Variants in TARS2 observed in about 807,000 individuals in gnomAD.
The protein encoded by TARS2 is threonyl-tRNA synthetase 2, mitochondrial.
A neutral mutation model predicts 94.4 loss-of-function variants in TARS2; 61 were observed. The ratio of observed to expected loss-of-function variants is 0.65; its 90% CI spans 0.53 to 0.80. TARS2 has a LOEUF of 0.80. Ranked by LOEUF, TARS2 falls within the 30% of genes least tolerant of loss-of-function variation. TARS2 has a pLI of 0.00. For missense variants in TARS2, 704 were observed against 902.5 expected, an observed-to-expected ratio of 0.78 and a Z score of 2.82; for synonymous variants, 359 against 353.4, an observed-to-expected ratio of 1.02 and a Z score of -0.18.
At chr1:150,491,838 A>G in intron 6 of TARS2, 176 bp downstream of exon 6, 1 of 641,236 alleles carries the variant, frequency 1.6e-6, no homozygotes. Flanking sequence ...TCTGTCTCCC[A>G]GGCTGGAGTG....
rs145039072 is a variant in TARS2, at chr1:150,492,488, C to T, written c.773C>T (p.Ser258Leu). 5.6e-4 allele frequency: 910 copies of T among 1,613,376 alleles called. No individual in the cohort carries two copies. The highest frequency in any genetic ancestry group is 6.8e-4 in the Non-Finnish European group (798 of 1,179,762). Residue 258 changes from serine to leucine, a missense_variant and splice_region_variant, in exon 7 of 18, where the codon TCG becomes TTG. Ser to Leu is a moderately radical substitution (Grantham distance 145). Coordinates refer to ENST00000369064, the MANE Select transcript of TARS2 (RefSeq NM_025150.5). ...TGQIGGLKLLSNSSSLWRSSG... is the reference protein window; with the variant it reads ...TGQIGGLKLLLNSSSLWRSSG... ...CAGATTGGAGGACTGAAGCTGCTAT[C>T]GGTCAGTTGTGGGACAGAGTTAGGT...
At position 150,497,556 on chromosome 1, in the gene TARS2, C is replaced by A. The variant is rs745997536; in HGVS notation, c.1047C>A (p.Ser349=). ...CTGAGTATGCCCATCGTGGTTTCTC[C>A]GAGGTGAAAACTCCCACACTGTTTT... ...IRAEYAHRGF[S]EVKTPTLFST... The change falls in exon 10 of 18, where the codon TCC becomes TCA. Residue 349 remains serine, a synonymous_variant. Transcript: ENST00000369064. 2 of 1,614,062 alleles carry A rather than the reference C, an allele frequency of 1.2e-6. No homozygotes were observed. The highest frequency in any genetic ancestry group is 3.3e-5 in the Admixed American group (2 of 60,006).
intron 13 of TARS2, among the ~76,000 whole-genome samples, chr1:150,500,755 C>T (rs1669877309): frequency 6.6e-6 from 1 of 151,288 alleles, no homozygotes; most frequent in East Asian, 1.9e-4. Flanking sequence ...ACCCAGGAGG[C>T]GGAGGTTGCA....
intron 13 of TARS2, among the ~76,000 whole-genome samples, chr1:150,503,617 ATGTG>A (rs1553905465): frequency 8.1e-6 from 1 of 123,886 alleles, no homozygotes; most frequent in Admixed American, 7.9e-5. Context: ...GTGTATATAT[ATGTG>A]TGTGTATATA....
At chr1:150,494,391 A>T (rs1669550997) in intron 7 of TARS2, among the ~76,000 whole-genome samples, 1 of 145,586 alleles carries the variant, frequency 6.9e-6, no homozygotes. Flanking sequence ...AAAAAAAAAA[A>T]GATAATGAAA....
In TARS2 at chr1:150,507,501, A is replaced by G. The variant is rs1815545; in HGVS notation, c.*437A>G. 91,068 of 157,626 alleles carry G rather than the reference A, an allele frequency of 0.58. 26,850 individuals are homozygous for G. The highest frequency in any genetic ancestry group is 0.62 in the Non-Finnish European group (44,009 of 71,414). The allele number at this position is 157,626 out of a possible 1,614,324, so 9.8% of individuals were successfully genotyped here. A position where few individuals can be genotyped will look rare whatever the true frequency, so the allele number is the denominator to read the frequency against. ...GGAGAATCGCTTGAACCCGGGAGGT[A>G]GAGGTTGCAGTGAGCTGAGATTGCG... On this transcript the variant is annotated 3_prime_UTR_variant, in exon 18 of 18. Transcript: ENST00000369064.
In TARS2 at chr1:150,490,704, A is replaced by AT; in HGVS notation, c.494dup (p.Phe166LeufsTer47). The stretch of plus-strand genomic sequence containing the variant: ...AGTACAGAATATGGCTTTTACCATG[A>AT]TTTCTTCCTGGGAAAGGAGAGGTGA... On this transcript the variant is annotated frameshift_variant, in exon 4 of 18. Coordinates refer to ENST00000369064, the MANE Select transcript of TARS2 (RefSeq NM_025150.5). LOFTEE classifies it high-confidence loss of function. The AT allele has an allele frequency of 6.2e-7, 1 of 1,613,786 alleles. No individual in the cohort carries two copies. The highest frequency in any genetic ancestry group is 8.5e-7 in the Non-Finnish European group (1 of 1,179,958).
intron 8 of TARS2, 39 bp from the exon 9 acceptor site, chr1:150,496,770 TG>T: frequency 6.2e-7 from 1 of 1,609,538 alleles, no homozygotes; most frequent in Non-Finnish European, 8.5e-7. Flanking sequence ...GCCACCTCCT[TG>T]CCCTTGAGGT....
intron 13 of TARS2, among the ~76,000 whole-genome samples, chr1:150,503,473 A>C (rs1670011686): frequency 6.6e-6 from 1 of 151,580 alleles, no homozygotes; most frequent in Admixed American, 6.6e-5. Context: ...AGATCACTTG[A>C]GATCAGGAGT....
chr1:150,494,752 T>C (rs587669702), intron 7 of TARS2, among the ~76,000 whole-genome samples: 49 of 150,504 alleles, frequency 3.3e-4, no homozygotes, highest in African/African-American at 1.1e-3. Context: ...AATATACATA[T>C]AGGGGCTGGG....
chr1:150,501,374 G>A (rs143689972), intron 13 of TARS2, among the ~76,000 whole-genome samples: 2,715 of 136,670 alleles, frequency 0.02, 116 homozygotes, highest in African/African-American at 0.072. Flanking sequence ...CTGGAGTGCA[G>A]TGGCTCGATC....
At chr1:150,487,835 T>C (rs1482403830) in intron 1 of TARS2, 23 bp from the exon 2 acceptor site, 77 of 1,605,698 alleles carry the variant, frequency 4.8e-5, no homozygotes, top group Non-Finnish European at 6.1e-5. Context: ...GTGTGTTACC[T>C]GCTAATATAT....
intron 8 of TARS2, 78 bp from the exon 9 acceptor site, chr1:150,496,732 A>G: frequency 2.5e-6 from 4 of 1,602,364 alleles, no homozygotes; most frequent in Non-Finnish European, 2.6e-6. Flanking sequence ...CAGACTGAGC[A>G]GCTCCGTCAG....
Position 150,490,661 on chromosome 1 carries a change from G to C in TARS2, c.448G>C (p.Val150Leu). 6.2e-7 allele frequency: 1 copy of C among 1,613,992 alleles called. No individual in the cohort carries two copies. The highest frequency in any genetic ancestry group is 8.5e-7 in the Non-Finnish European group (1 of 1,180,014). ...AGCAGCTGAACAATTCCTAGGTGCT[G>C]TTCTCTGCAGAGGTCCAAGTACAGA... is the stretch of plus-strand genomic sequence containing the variant. ...GAAAEQFLGA[V>L]LCRGPSTEYG... The change falls in exon 4 of 18, where the codon GTT becomes CTT. Residue 150 changes from valine (V) to leucine (L), a missense_variant. Physicochemically the swap from Val to Leu is conservative, Grantham distance 32. Around this residue, in one of 3 missense-constraint regions of TARS2, gnomAD observed 208 missense variants for 228.5 expected, o/e 0.91. Transcript: ENST00000369064.
chr1:150,498,681 T>A lies in TARS2; in HGVS notation c.1401+17T>A, dbSNP rs12023021. ...ACAGATCAGGTGGCCTTTCCCTGGCTCCACCAAAGCTTTTCTAAACCACCT... is the reference window on the plus strand; with the variant it reads ...ACAGATCAGGTGGCCTTTCCCTGGCACCACCAAAGCTTTTCTAAACCACCT... On this transcript the variant is annotated intron_variant, in intron 11 of 17. Transcript: ENST00000369064. 57,903 of 1,613,070 alleles carry A rather than the reference T, an allele frequency of 0.036. 1,519 individuals are homozygous for A. The highest frequency in any genetic ancestry group is 0.13 in the East Asian group (5,988 of 44,878).
intron 7 of TARS2, among the ~76,000 whole-genome samples, chr1:150,495,466 G>A (rs1258818383): frequency 8.0e-5 from 12 of 149,476 alleles, no homozygotes; most frequent in South Asian, 2.2e-4. Context: ...GCCTGATCTC[G>A]GCTCACTGCA....
In TARS2 at chr1:150,492,638, CGTCTCT is replaced by C. The variant is rs1415404217; in HGVS notation, c.774+150_774+155del. 69 of 716,294 alleles carry C rather than the reference CGTCTCT, an allele frequency of 9.6e-5. No individual in the cohort carries two copies. In the South Asian group the frequency reaches 1.1e-3, roughly 12 times the overall value. The allele number at this position is 716,294 out of a possible 1,614,324, so 44.4% of individuals were successfully genotyped here. On this transcript the variant is annotated intron_variant, in intron 7 of 17. Transcript: ENST00000369064. Reference sequence around the variant, plus strand: ...CAGCCTGGCCAATATGGTGAAACCCCGTCTCTACTAAAAATACAAAAATTAGCTGGG... The same window carrying C: ...CAGCCTGGCCAATATGGTGAAACCCCACTAAAAATACAAAAATTAGCTGGG...
rs71585880 is a variant in TARS2, at chr1:150,506,488, A to G, written c.2009-428A>G. Among the ~76,000 whole-genome samples the G allele has an allele frequency of 3.2e-3, 134 of 41,702 alleles. 2 individuals are homozygous for G. The highest frequency in any genetic ancestry group is 6.3e-3 in the African/African-American group (111 of 17,574). The allele number at this position is 41,702 out of a possible 152,430, so 27.4% of individuals were successfully genotyped here. The stretch of plus-strand genomic sequence containing the variant: ...ATACCCCCTTCAGACACGCGCGCGC[A>G]CACACACACACACACACACACACAC... On this transcript the variant is annotated intron_variant, in intron 17 of 17. Transcript: ENST00000369064.
intron 13 of TARS2, 112 bp downstream of exon 13, chr1:150,499,405 C>T (rs983843656): frequency 3.9e-5 from 40 of 1,019,984 alleles, no homozygotes; most frequent in Admixed American, 9.2e-5. Context: ...ACTCTGTCAC[C>T]CAGGCTAAAA....
Sources: gnomAD v4.1 joint callset for allele counts (sites outside exome capture counted in the v4.1 genomes callset) on GRCh38, gnomAD v4.1.1 for gene constraint, gnomAD v4.1.1 regional missense constraint, MANE v1.5 for transcripts, NCBI Gene and HGNC (gene_info 2026-07-23, HGNC 2026-07-21) for gene names.